Variants in TBL1XR1 observed in about 807,000 individuals in gnomAD.
TBL1XR1 encodes the protein F-box-like/WD repeat-containing protein TBL1XR1.
Under a neutral mutation model 66.9 loss-of-function variants are expected in TBL1XR1, and 5 were observed. That is an observed-to-expected ratio of 0.07 (90% confidence interval 0.04 to 0.16). The LOEUF (loss-of-function observed/expected upper bound fraction) is 0.16. TBL1XR1 is among the 10% of genes least tolerant of loss of function. The pLI, the probability that TBL1XR1 is intolerant of heterozygous loss-of-function variation, is 1.00. For missense variants in TBL1XR1, 238 were observed against 623.2 expected, an observed-to-expected ratio of 0.38 and a Z score of 6.58; for synonymous variants, 210 against 206.0, an observed-to-expected ratio of 1.02 and a Z score of -0.17.
At chr3:177,174,145 G>A (rs1733885341) in intron 1 of TBL1XR1, among the ~76,000 whole-genome samples, 1 of 152,160 alleles carries the variant, frequency 6.6e-6, no homozygotes, top group Non-Finnish European at 1.5e-5. Context: ...CGGGTGCGGT[G>A]GCTCACGCCT....
In TBL1XR1 at chr3:177,051,494, C is replaced by T; in HGVS notation, c.427+10G>A. The stretch of plus-strand genomic sequence containing the variant: ...CATGTAATTAAAAAAAAATTCTTGT[C>T]TGAGCTCACTTGCTATAGTATGTGC... On this transcript the variant is annotated intron_variant, in intron 5 of 15. Transcript: ENST00000457928. The T allele has an allele frequency of 2.5e-6, 4 of 1,568,834 alleles. No individual in the cohort carries two copies. The highest frequency in any genetic ancestry group is 2.4e-5 in the South Asian group (2 of 83,828).
At chr3:177,030,242 TCCC>T (rs951789069) in intron 14 of TBL1XR1, among the ~76,000 whole-genome samples, 14 of 151,598 alleles carry the variant, frequency 9.2e-5, no homozygotes, top group South Asian at 2.1e-4. Context: ...CATTTTTAAA[TCCC>T]CCAATAGGAA....
intron 6 of TBL1XR1, 47 bp downstream of exon 6, chr3:177,050,431 C>A: frequency 6.3e-7 from 1 of 1,598,798 alleles, no homozygotes; most frequent in Non-Finnish European, 8.5e-7. Context: ...ATAAAATGTT[C>A]AATAAGATAT....
chr3:177,064,856 A>T, intron 3 of TBL1XR1, 64 bp downstream of exon 3: 2 of 1,140,082 alleles, frequency 1.8e-6, no homozygotes, highest in South Asian at 2.9e-5. Context: ...TTTCAAATGC[A>T]TAAAAGATTA....
intron 1 of TBL1XR1, among the ~76,000 whole-genome samples, chr3:177,150,039 C>T (rs34776785): frequency 0.38 from 57,975 of 151,976 alleles, 11,544 homozygotes; most frequent in Middle Eastern, 0.46. Context: ...GCATACTATA[C>T]AATTTATTCA....
intron 1 of TBL1XR1, among the ~76,000 whole-genome samples, chr3:177,168,763 A>G (rs930785720): frequency 1.3e-5 from 2 of 152,218 alleles, no homozygotes; most frequent in African/African-American, 4.8e-5. Context: ...TATTAAAATA[A>G]AAATTCAATC....
intron 1 of TBL1XR1, among the ~76,000 whole-genome samples, chr3:177,130,152 AAAAAAAG>A (rs1385391919): frequency 6.6e-6 from 1 of 151,150 alleles, no homozygotes; most frequent in African/African-American, 2.4e-5. Context: ...CTCAAAAAAA[AAAAAAAG>A]AAAGAAAGAA....
intron 1 of TBL1XR1, among the ~76,000 whole-genome samples, chr3:177,149,738 G>A (rs1326251782): frequency 2.6e-5 from 4 of 152,004 alleles, no homozygotes; most frequent in Non-Finnish European, 4.4e-5. Context: ...GGGACACAAC[G>A]CGACTGTGAA....
chr3:177,044,908 A>C (rs1278872356), intron 10 of TBL1XR1: 1 of 152,136 alleles, frequency 6.6e-6, no homozygotes, highest in African/African-American at 2.4e-5. Context: ...ATGTACGAGA[A>C]ATTAGTATGA....
chr3:177,114,407 C>T (rs559882242), intron 1 of TBL1XR1, among the ~76,000 whole-genome samples: 14 of 152,038 alleles, frequency 9.2e-5, no homozygotes, highest in South Asian at 6.2e-4. Flanking sequence ...CCTCCCCAAC[C>T]CCAAGTTCAA....
chr3:177,170,170 C>T (rs1473356508), intron 1 of TBL1XR1, among the ~76,000 whole-genome samples: 1 of 152,106 alleles, frequency 6.6e-6, no homozygotes, highest in Non-Finnish European at 1.5e-5. Flanking sequence ...TATCTGATTA[C>T]ACTGCAGCCC....
At chr3:177,165,052 T>A (rs545396962) in intron 1 of TBL1XR1, among the ~76,000 whole-genome samples, 1 of 152,192 alleles carries the variant, frequency 6.6e-6, no homozygotes, top group Non-Finnish European at 1.5e-5. Context: ...AAAAATTTGT[T>A]ATGGGTTCTA....
Position 177,025,188 on chromosome 3 carries a change from T to G in TBL1XR1, c.*310A>C, listed in dbSNP as rs2108373141. On this transcript the variant is annotated 3_prime_UTR_variant, in exon 16 of 16. Transcript: ENST00000457928. ...TTTAGTATCCAAAAACTGGTACATGTATGTTCTGCTTTTATAATGTATATT... is the reference window on the plus strand; with the variant it reads ...TTTAGTATCCAAAAACTGGTACATGGATGTTCTGCTTTTATAATGTATATT... The G allele has an allele frequency of 6.3e-6, 2 of 318,690 alleles. No individual in the cohort carries two copies. The highest frequency in any genetic ancestry group is 1.1e-5 in the Non-Finnish European group (2 of 175,384). 19.7% of individuals were successfully genotyped at this position (318,690 alleles called of 1,614,324 possible). A position where few individuals can be genotyped will look rare whatever the true frequency, so the allele number is the denominator to read the frequency against.
At chr3:177,178,440 T>C (rs1355029783) in intron 1 of TBL1XR1, among the ~76,000 whole-genome samples, 3 of 151,692 alleles carry the variant, frequency 2.0e-5, no homozygotes, top group East Asian at 1.9e-4. Context: ...ACAAGCACTT[T>C]ATGAGAAAAA....
intron 2 of TBL1XR1, among the ~76,000 whole-genome samples, chr3:177,069,671 G>A (rs1719623269): frequency 6.6e-6 from 1 of 151,926 alleles, no homozygotes; most frequent in East Asian, 1.9e-4. Flanking sequence ...CCCGGGAGGT[G>A]GAGGTTACAG....
At chr3:177,122,506 A>G (rs1228301183) in intron 1 of TBL1XR1, among the ~76,000 whole-genome samples, 3 of 152,128 alleles carry the variant, frequency 2.0e-5, no homozygotes. Context: ...ATTTTACTCT[A>G]TACCTCTTGT....
At chr3:177,067,993 A>C (rs1302679968) in intron 2 of TBL1XR1, among the ~76,000 whole-genome samples, 1 of 152,224 alleles carries the variant, frequency 6.6e-6, no homozygotes, top group African/African-American at 2.4e-5. Flanking sequence ...TATCTTTTAG[A>C]ACAACTGTCT....
intron 1 of TBL1XR1, among the ~76,000 whole-genome samples, chr3:177,109,100 T>C (rs1725240481): frequency 6.6e-6 from 1 of 152,196 alleles, no homozygotes; most frequent in African/African-American, 2.4e-5. Flanking sequence ...CATAATCTAA[T>C]TCACAGATAA....
chr3:177,181,642 A>G (rs539519441), intron 1 of TBL1XR1, among the ~76,000 whole-genome samples: 1 of 152,140 alleles, frequency 6.6e-6, no homozygotes, highest in Non-Finnish European at 1.5e-5. Flanking sequence ...CACTTGTGCA[A>G]CTGGTTTAAA....
Sources: gnomAD v4.1 joint callset for allele counts (sites outside exome capture counted in the v4.1 genomes callset) on GRCh38, gnomAD v4.1.1 for gene constraint, MANE v1.5 for transcripts, NCBI Gene and HGNC (gene_info 2026-07-23, HGNC 2026-07-21) for gene names.